Variants in FHOD1 observed in about 807,000 individuals in gnomAD.
FHOD1 encodes FH1/FH2 domain-containing protein 1.
Under a neutral mutation model 111.6 loss-of-function variants are expected in FHOD1, and 89 were observed. The observed-to-expected ratio is 0.80, with a 90% CI of 0.67 to 0.95. The LOEUF is 0.95. Ranked by LOEUF, FHOD1 falls within the 40% of genes least tolerant of loss-of-function variation. The probability of loss-of-function intolerance (pLI) is 0.00; values close to 1 mark genes in which losing one functional copy is unlikely to be tolerated. For synonymous variants in FHOD1, 618 were observed against 639.0 expected (o/e 0.97, Z 0.50); for missense variants, 1,446 against 1,554.2 (o/e 0.93, Z 1.17).
At position 67,237,286 on chromosome 16, in the gene FHOD1, T is replaced by C; in HGVS notation, c.946A>G (p.Thr316Ala). The change falls in exon 9 of 22, where the codon ACT (threonine) becomes GCT (alanine). Residue 316 changes from threonine to alanine, a missense_variant. Around this residue, in one of 3 missense-constraint regions of FHOD1, gnomAD observed 234 missense variants for 327.4 expected, o/e 0.71. Transcript: ENST00000258201. The surrounding 1 kb of genome is among the most constrained non-coding windows in gnomAD (Gnocchi z 5.6). ...CGCAGGTCGACGTCAGTGCCCGCAG[T>C]GCCCAGGTGGCGCTGGACCAGCGCT... The part of the protein sequence containing the change: ...MEALVQRHLG[T>A]AGTDVDLRTQ... 6.2e-6 allele frequency: 10 copies of C among 1,614,000 alleles called. No homozygotes were observed. Among genetic ancestry groups the C allele is most frequent in the Non-Finnish European group, 8.5e-6 (10 of 1,180,020 alleles).
rs1269523734 is a variant in FHOD1 at position 67,238,268 on chromosome 16, C to A, written c.481G>T (p.Gly161Trp). ...CCCACACGGATCAGGCAGCTCAGCC[C>A]CTCTGAATGCACAAATTCAGGCACC... ...DLVPEFVHSE[G>W]LSCLIRVGAA... Residue 161 changes from glycine (G) to tryptophan (W), a missense_variant, in exon 5 of 22, where the codon GGG (glycine) becomes TGG (tryptophan). Gly to Trp is a radical substitution (Grantham distance 184, BLOSUM62 -2). Around this residue, in one of 3 missense-constraint regions of FHOD1, gnomAD observed 234 missense variants for 327.4 expected, o/e 0.71. Transcript: ENST00000258201. The surrounding 1 kb of genome is among the most constrained non-coding windows in gnomAD (Gnocchi z 4.2). 4.3e-6 allele frequency: 7 copies of A among 1,614,160 alleles called. No individual in the cohort carries two copies. The highest frequency in any genetic ancestry group is 5.9e-6 in the Non-Finnish European group (7 of 1,180,024).
chr16:67,238,339 T>C lies in FHOD1; in HGVS notation c.442-32A>G, dbSNP rs369048799. ...GCACCATGGGGGAGTTTAGGGAAGC[T>C]TGGGCTACACACTTACCCCCAGCCC... On this transcript the variant is annotated intron_variant, in intron 4 of 21. Transcript: ENST00000258201. This position sits in a 1 kb window ranked among gnomAD's most constrained non-coding sequence, Gnocchi z 4.2. 276 of 1,613,842 alleles carry C rather than the reference T, an allele frequency of 1.7e-4. No homozygotes were observed. Among genetic ancestry groups the C allele is most frequent in the South Asian group, 4.6e-4 (42 of 91,082 alleles).
Position 67,233,877 on chromosome 16 carries a change from G to C in FHOD1, c.1826C>G (p.Pro609Arg), listed in dbSNP as rs759559297. 1.9e-6 allele frequency: 3 copies of C among 1,605,634 alleles called. No individual in the cohort carries two copies. The African/African-American group carries it at 4.0e-5, about 22-fold the overall frequency. Residue 609 changes from proline (P) to arginine (R), a missense_variant, in exon 13 of 22, where the codon CCT (proline) becomes CGT (arginine). Physicochemically the swap from Pro to Arg is moderately radical, Grantham distance 103. This residue lies in a region of FHOD1 where 1,085 missense variants were observed against 1,108.8 expected (regional missense o/e 0.98). Transcript: ENST00000258201. ...PPPPPLPLAA[P>R]LPHSVPDSSA... Reference sequence around the variant, plus strand: ...GCTGTCAGGCACTGAATGGGGAAGAGGGGCAGCCAGAGGTAGAGGTGGAGG... The same window carrying C: ...GCTGTCAGGCACTGAATGGGGAAGACGGGCAGCCAGAGGTAGAGGTGGAGG...
chr16:67,238,460 G>C lies in FHOD1; in HGVS notation c.374-13C>G. ...CTATACAGCTTTTCTGCAAAAGGTA[G>C]GGTATAAAACCCTTGATGGACACAG... On this transcript the variant is annotated splice_polypyrimidine_tract_variant and intron_variant, in intron 3 of 21. Coordinates refer to ENST00000258201, the MANE Select transcript of FHOD1 (RefSeq NM_013241.3). The surrounding 1 kb of genome is among the most constrained non-coding windows in gnomAD (Gnocchi z 4.2). 1 of 1,611,896 alleles carries C rather than the reference G, an allele frequency of 6.2e-7. No individual in the cohort carries two copies.
intron 1 of FHOD1, among the ~76,000 whole-genome samples, chr16:67,240,355 C>T (rs968101213): frequency 2.0e-5 from 3 of 152,152 alleles, no homozygotes; most frequent in Admixed American, 1.3e-4. Flanking sequence ...GGTGAAACCC[C>T]GTCTCTACAA....
intron 1 of FHOD1, among the ~76,000 whole-genome samples, chr16:67,242,894 A>C (rs566276603): frequency 1.3e-5 from 2 of 152,000 alleles, no homozygotes; most frequent in South Asian, 4.1e-4. Context: ...CTATCTACCT[A>C]TGTATAATAT....
Position 67,233,841 on chromosome 16 carries a change from G to A in FHOD1, c.1862C>T (p.Pro621Leu). The A allele has an allele frequency of 1.2e-6, 2 of 1,612,114 alleles. No individual in the cohort carries two copies. Among genetic ancestry groups the A allele is most frequent in the Non-Finnish European group, 1.7e-6 (2 of 1,179,272 alleles). Residue 621 changes from proline (P) to leucine (L), a missense_variant, in exon 13 of 22, where the codon CCC (proline) becomes CTC (leucine). Physicochemically the swap from Pro to Leu is moderately conservative, Grantham distance 98. Transcript: ENST00000258201. ...AAGTTTTACTGTCTTCCTCTTAGTG[G>A]GGAGGGCTGAGCTGTCAGGCACTGA... ...PHSVPDSSAL[P>L]TKRKTVKLFW...
chr16:67,231,208 C>T lies in FHOD1; in HGVS notation c.2647G>A (p.Ala883Thr). 1 of 1,614,116 alleles carries T rather than the reference C, an allele frequency of 6.2e-7. No individual in the cohort carries two copies. The highest frequency in any genetic ancestry group is 8.5e-7 in the Non-Finnish European group (1 of 1,180,006). The change falls in exon 17 of 22, where the codon GCC becomes ACC. Residue 883 changes from alanine to threonine, a missense_variant. This residue lies in a region of FHOD1 where 1,085 missense variants were observed against 1,108.8 expected (regional missense o/e 0.98). Transcript: ENST00000258201. The surrounding 1 kb of genome is among the most constrained non-coding windows in gnomAD (Gnocchi z 4.3). ...ESSDLYSEIP[A>T]LTRCAKVDFE... ...CTAACCTTGGCACAGCGGGTCAGGG[C>T]AGGGATTTCTGAATAGAGGTCAGAG... is the stretch of plus-strand genomic sequence containing the variant.
rs934882942 is a variant in FHOD1, at chr16:67,231,685, A to G, written c.2337T>C (p.Ala779=). Reference sequence around the variant, plus strand: ...GCTTGAAGGCCCAGAGTTGTAGACGAGCAGCGAGGCCGCCAATGGAGGCAA... The same window carrying G: ...GCTTGAAGGCCCAGAGTTGTAGACGGGCAGCGAGGCCGCCAATGGAGGCAA... The part of the protein sequence containing the change: ...MTLASIGGLA[A]RLQLWAFKLD... Residue 779 remains alanine, a synonymous_variant, in exon 15 of 22, where the codon GCT becomes GCC. Transcript: ENST00000258201. The surrounding 1 kb of genome is among the most constrained non-coding windows in gnomAD (Gnocchi z 4.3). The G allele has an allele frequency of 1.2e-5, 20 of 1,614,162 alleles. No homozygotes were observed. Among genetic ancestry groups the G allele is most frequent in the Non-Finnish European group, 1.7e-5 (20 of 1,180,038 alleles).
chr16:67,230,768 CTCAG>C lies in FHOD1; in HGVS notation c.2687_2690del (p.Thr896ArgfsTer47). Reference sequence around the variant, plus strand: ...TCCGGCGCTCCAGCTGCCCCAGGTTCTCAGTCAGCTGTTCAAAGTCCACCTGAGA... The same window carrying C: ...TCCGGCGCTCCAGCTGCCCCAGGTTCTCAGCTGTTCAAAGTCCACCTGAGA... On this transcript the variant is annotated frameshift_variant, in exon 18 of 22. Coordinates refer to ENST00000258201, the MANE Select transcript of FHOD1 (RefSeq NM_013241.3). LOFTEE classifies it high-confidence loss of function. 1.9e-6 allele frequency: 3 copies of C among 1,602,864 alleles called. No individual in the cohort carries two copies. The highest frequency in any genetic ancestry group is 2.2e-5 in the South Asian group (2 of 89,570).
chr16:67,247,458 T>C lies in FHOD1; in HGVS notation c.-48A>G. The C allele has an allele frequency of 3.2e-6, 5 of 1,586,750 alleles. No individual in the cohort carries two copies. The highest frequency in any genetic ancestry group is 4.3e-6 in the Non-Finnish European group (5 of 1,163,636). ...GCGCGCCTCCGAGTCCCGGCCCCAGTGCAGCTTCTACTCAAAGCACACTGT... is the reference window on the plus strand; with the variant it reads ...GCGCGCCTCCGAGTCCCGGCCCCAGCGCAGCTTCTACTCAAAGCACACTGT... On this transcript the variant is annotated 5_prime_UTR_variant, in exon 1 of 22. Transcript: ENST00000258201.
rs758732717 is a variant in FHOD1, at chr16:67,229,999, G to C, written c.3215-9C>G. The C allele has an allele frequency of 6.2e-7, 1 of 1,613,434 alleles. No homozygotes were observed. Among genetic ancestry groups the C allele is most frequent in the Non-Finnish European group, 8.5e-7 (1 of 1,179,390 alleles). ...GCTGCTCTGGACCATGCCTGAGGAA[G>C]GCCAGATAGCAAAGTCAGGCCAAGG... On this transcript the variant is annotated splice_polypyrimidine_tract_variant and intron_variant, in intron 20 of 21. Coordinates refer to ENST00000258201, the MANE Select transcript of FHOD1 (RefSeq NM_013241.3).
At position 67,234,447 on chromosome 16, in the gene FHOD1, C is replaced by G. The variant is rs1350943383; in HGVS notation, c.1345G>C (p.Ala449Pro). ...GCAACCTGCTTCTCTGTTTCTGCTG[C>G]CGCCACATTCTCCAGGAACCGGGCT... is the stretch of plus-strand genomic sequence containing the variant. ...YKARFLENVA[A>P]AETEKQVALA... The change falls in exon 12 of 22, where the codon GCA (alanine) becomes CCA (proline). Residue 449 changes from alanine (A) to proline (P), a missense_variant. By Grantham distance (27) the Ala-to-Pro change is conservative (BLOSUM62 -1). Transcript: ENST00000258201. 2 of 1,603,044 alleles carry G rather than the reference C, an allele frequency of 1.2e-6. No homozygotes were observed. The highest frequency in any genetic ancestry group is 3.4e-5 in the Admixed American group (2 of 59,080).
chr16:67,229,406 A>G lies in FHOD1; in HGVS notation c.*230T>C, dbSNP rs1450095430. On this transcript the variant is annotated 3_prime_UTR_variant, in exon 22 of 22. Transcript: ENST00000258201. Reference sequence around the variant, plus strand: ...GAAACCTGTTGGATTAGCTAAGAAAATTTTATTTTGCTCCGTGCGTTCAAG... The same window carrying G: ...GAAACCTGTTGGATTAGCTAAGAAAGTTTTATTTTGCTCCGTGCGTTCAAG... 6.7e-6 allele frequency: 4 copies of G among 595,028 alleles called. No individual in the cohort carries two copies. The highest frequency in any genetic ancestry group is 1.2e-5 in the Non-Finnish European group (4 of 338,146). 36.9% of individuals were successfully genotyped at this position (595,028 alleles called of 1,614,324 possible).
chr16:67,230,677 G>A lies in FHOD1; in HGVS notation c.2782C>T (p.Arg928Cys), dbSNP rs1468026208. The A allele has an allele frequency of 6.2e-6, 10 of 1,613,846 alleles. No homozygotes were observed. The highest frequency in any genetic ancestry group is 1.7e-5 in the Admixed American group (1 of 59,998). Residue 928 changes from arginine to cysteine, a missense_variant, in exon 18 of 22, where the codon CGC (arginine) becomes TGC (cysteine). Physicochemically the swap from Arg to Cys is radical, Grantham distance 180 (BLOSUM62 -3). Coordinates refer to ENST00000258201, the MANE Select transcript of FHOD1 (RefSeq NM_013241.3). ...CACTGGTCCAGGAAGTGGGTGAGGC[G>A]GGCACGCAGGGCTGGGGCCAGCTCA... The part of the protein sequence containing the change: ...KHELAPALRA[R>C]LTHFLDQCAR...
rs2034554492 is a variant in FHOD1, at chr16:67,238,050, G to A, written c.626C>T (p.Thr209Ile). ...AHSDTIQWLYTLCASLSRLVV... is the reference protein window; with the variant it reads ...AHSDTIQWLYILCASLSRLVV... Reference sequence around the variant, plus strand: ...GCCACTTACCAGGCTGGCACACAATGTGTACAGCCACTGAATAGTGTCACT... The same window carrying A: ...GCCACTTACCAGGCTGGCACACAATATGTACAGCCACTGAATAGTGTCACT... Residue 209 changes from threonine (T) to isoleucine (I), a missense_variant, in exon 6 of 22, where the codon ACA becomes ATA. Thr to Ile is a moderately conservative substitution (Grantham distance 89). Coordinates refer to ENST00000258201, the MANE Select transcript of FHOD1 (RefSeq NM_013241.3). This position sits in a 1 kb window ranked among gnomAD's most constrained non-coding sequence, Gnocchi z 4.2. The A allele has an allele frequency of 3.7e-6, 6 of 1,614,098 alleles. No homozygotes were observed. Among genetic ancestry groups the A allele is most frequent in the Non-Finnish European group, 4.2e-6 (5 of 1,179,942 alleles).
chr16:67,236,418 A>T (rs2034477171), intron 11 of FHOD1, 139 bp downstream of exon 11: 1 of 1,478,352 alleles, frequency 6.8e-7, no homozygotes, highest in African/African-American at 1.4e-5. Context: ...TACCAAACGG[A>T]AGCAGTTTGG....
Position 67,233,689 on chromosome 16 carries a change from CAA to C in FHOD1, c.2012_2013del (p.Phe671Ter), listed in dbSNP as rs2034362564. ...SVDTARLEHL[F>X]ESRAKEVLPS... is the part of the protein sequence containing the mutation. ...GGCAGCACCTCTTTGGCACGAGACT[CAA>C]AGAGGTGTTCCAGTCGGGCCGTGTC... is the stretch of plus-strand genomic sequence containing the variant. On this transcript the variant is annotated frameshift_variant, in exon 13 of 22. Coordinates refer to ENST00000258201, the MANE Select transcript of FHOD1 (RefSeq NM_013241.3). LOFTEE classifies it high-confidence loss of function. The C allele has an allele frequency of 6.2e-7, 1 of 1,605,784 alleles. No homozygotes were observed. The highest frequency in any genetic ancestry group is 8.5e-7 in the Non-Finnish European group (1 of 1,173,582).
At position 67,237,941 on chromosome 16, in the gene FHOD1, C is replaced by T; in HGVS notation, c.642+93G>A. 7.0e-7 allele frequency: 1 copy of T among 1,427,746 alleles called. No homozygotes were observed. Among genetic ancestry groups the T allele is most frequent in the Non-Finnish European group, 9.8e-7 (1 of 1,020,086 alleles). The allele number at this position is 1,427,746 out of a possible 1,614,324, so 88.4% of individuals were successfully genotyped here. A position where few individuals can be genotyped will look rare whatever the true frequency, so the allele number is the denominator to read the frequency against. On this transcript the variant is annotated intron_variant, in intron 6 of 21. Coordinates refer to ENST00000258201, the MANE Select transcript of FHOD1 (RefSeq NM_013241.3). This position sits in a 1 kb window ranked among gnomAD's most constrained non-coding sequence, Gnocchi z 5.6. ...TATAGGCTTACAGAGGCCTCAGACT[C>T]ACTCCCTTCCAGCTCACTTTGCAGA... is the stretch of plus-strand genomic sequence containing the variant.
Sources: gnomAD v4.1 joint callset for allele counts (sites outside exome capture counted in the v4.1 genomes callset) on GRCh38, gnomAD v4.1.1 for gene constraint, gnomAD v4.1.1 regional missense constraint, Gnocchi (gnomAD v3.1) non-coding constraint, MANE v1.5 for transcripts, NCBI Gene and HGNC (gene_info 2026-07-23, HGNC 2026-07-21) for gene names.